RBFOX1: variants seen among roughly 807,000 people sequenced by gnomAD.
The protein encoded by RBFOX1 is RNA binding protein fox-1 homolog 1.
In RBFOX1, 8 loss-of-function variants were observed where a neutral mutation model predicts 57.7. The ratio of observed to expected loss-of-function variants is 0.14; its 90% CI spans 0.08 to 0.25. The LOEUF (loss-of-function observed/expected upper bound fraction) is 0.25, where lower values mean the gene tolerates loss of function less well. RBFOX1 is among the 10% of genes least tolerant of loss of function. The pLI is 1.00. For missense variants in RBFOX1, 611 were observed against 548.5 expected, an observed-to-expected ratio of 1.11 and a Z score of -1.14; for synonymous variants, 326 against 222.4, an observed-to-expected ratio of 1.47 and a Z score of -4.15.
At chr16:7,333,638 A>G (rs1410939104) in intron 4 of RBFOX1, among the ~76,000 whole-genome samples, 1 of 152,194 alleles carries the variant, frequency 6.6e-6, no homozygotes, top group Non-Finnish European at 1.5e-5. Context: ...TTATTCTAGG[A>G]ATCCCTTGCC....
At chr16:7,274,773 C>T (rs998422526) in intron 4 of RBFOX1, among the ~76,000 whole-genome samples, 8 of 152,010 alleles carry the variant, frequency 5.3e-5, no homozygotes, top group East Asian at 1.9e-4. Flanking sequence ...CAATCTCTGC[C>T]TTCCAGGTTC....
intron 2 of RBFOX1, among the ~76,000 whole-genome samples, chr16:6,347,676 C>A (rs1371980829): frequency 1.3e-5 from 2 of 152,128 alleles, no homozygotes; most frequent in Admixed American, 6.5e-5. Flanking sequence ...TGTATATCAA[C>A]AATTATTATA....
intron 3 of RBFOX1, chr16:6,773,860 G>A (rs1426561152): frequency 2.4e-5 from 16 of 655,578 alleles, no homozygotes; most frequent in Non-Finnish European, 3.0e-5. Context: ...TATATGTGTG[G>A]ATGTAGGGTG....
intron 1 of RBFOX1, among the ~76,000 whole-genome samples, chr16:5,304,154 C>G (rs1268394898): frequency 1.3e-5 from 2 of 152,288 alleles, no homozygotes; most frequent in African/African-American, 4.8e-5. Flanking sequence ...CTTAGGCTAC[C>G]AAGGAAGGCT....
intron 1 of RBFOX1, among the ~76,000 whole-genome samples, chr16:5,341,527 C>A (rs1051692124): frequency 6.6e-6 from 1 of 152,090 alleles, no homozygotes; most frequent in Non-Finnish European, 1.5e-5. Flanking sequence ...GGGAAAAGAA[C>A]TGAGATATTC....
chr16:7,206,254 G>T (rs2089944152), intron 4 of RBFOX1, among the ~76,000 whole-genome samples: 1 of 152,074 alleles, frequency 6.6e-6, no homozygotes, highest in East Asian at 1.9e-4. Flanking sequence ...TTAGTCTTTT[G>T]TGTTTGTATG....
rs755526596 is a variant in RBFOX1, at chr16:6,882,375, A to G, written c.-15-169682A>G. Among the ~76,000 whole-genome samples the G allele has an allele frequency of 3.6e-4, 55 of 151,806 alleles. 1 individual carries two copies. Among genetic ancestry groups the G allele is most frequent in the Non-Finnish European group, 6.0e-4 (41 of 67,938 alleles). ...AGTATAATTACAGTTTAGTCACCTA[A>G]CCTCTCTGATTCTCTCTCTTCCCAG... On this transcript the variant is annotated intron_variant, in intron 3 of 15. Transcript: ENST00000550418.
At chr16:6,680,302 G>A (rs1206636800) in intron 3 of RBFOX1, among the ~76,000 whole-genome samples, 6 of 62,484 alleles carry the variant, frequency 9.6e-5, no homozygotes, top group South Asian at 4.5e-4. Flanking sequence ...TTTATTTGTC[G>A]CCCAGGCTGG....
intron 4 of RBFOX1, among the ~76,000 whole-genome samples, chr16:7,082,202 C>G (rs114896728): frequency 6.6e-6 from 1 of 152,070 alleles, no homozygotes; most frequent in African/African-American, 2.4e-5. Context: ...CATTGAAGAC[C>G]TATGGTTCAG....
chr16:7,631,039 C>G (rs2060866667), intron 11 of RBFOX1, among the ~76,000 whole-genome samples: 1 of 152,122 alleles, frequency 6.6e-6, no homozygotes, highest in Non-Finnish European at 1.5e-5. Flanking sequence ...CCAAAGGCAC[C>G]CTTGCCTAGT....
chr16:6,316,923 A>C, intron 1 of RBFOX1, 72 bp from the exon 2 acceptor site: 1 of 1,336,442 alleles, frequency 7.5e-7, no homozygotes, highest in South Asian at 1.3e-5. Flanking sequence ...TATTACTATG[A>C]CAAAAAAAGT....
intron 1 of RBFOX1, among the ~76,000 whole-genome samples, chr16:5,246,453 T>C (rs1320239374): frequency 1.3e-5 from 2 of 152,144 alleles, no homozygotes; most frequent in East Asian, 1.9e-4. Flanking sequence ...ACTTATTTTT[T>C]TGTGGTGAGA....
chr16:6,762,383 A>C (rs999749686), intron 3 of RBFOX1, among the ~76,000 whole-genome samples: 1 of 152,146 alleles, frequency 6.6e-6, no homozygotes, highest in Non-Finnish European at 1.5e-5. Flanking sequence ...GTGCACTTAG[A>C]AGGTAAATAT....
intron 3 of RBFOX1, among the ~76,000 whole-genome samples, chr16:7,007,654 G>T (rs1299681375): frequency 6.6e-6 from 1 of 152,076 alleles, no homozygotes; most frequent in Admixed American, 6.6e-5. Context: ...ACTCTTTCTT[G>T]TTTGGAAGCT....
chr16:5,312,178 A>G (rs1290354880), intron 1 of RBFOX1, among the ~76,000 whole-genome samples: 1 of 152,218 alleles, frequency 6.6e-6, no homozygotes, highest in African/African-American at 2.4e-5. Flanking sequence ...CTGGTCATAT[A>G]TAGGCCATTG....
At chr16:6,966,781 ATCTATCTATCTG>A (rs368923047) in intron 3 of RBFOX1, among the ~76,000 whole-genome samples, 17,989 of 59,078 alleles carry the variant, frequency 0.3, 1,160 homozygotes, top group South Asian at 0.42. Flanking sequence ...CTATCTATCT[ATCTATCTATCTG>A]TCTGTCTGTC....
At chr16:6,923,572 A>G (rs2074953805) in intron 3 of RBFOX1, among the ~76,000 whole-genome samples, 1 of 152,048 alleles carries the variant, frequency 6.6e-6, no homozygotes, top group South Asian at 2.1e-4. Flanking sequence ...TCTGTTAATC[A>G]TGGCTGACCA....
chr16:5,359,065 T>G (rs2065472236), intron 1 of RBFOX1, among the ~76,000 whole-genome samples: 1 of 151,122 alleles, frequency 6.6e-6, no homozygotes, highest in Non-Finnish European at 1.5e-5. Context: ...ACATGTGATG[T>G]TTTTGTTTCT....
At chr16:6,583,036 C>G (rs2097559347) in intron 2 of RBFOX1, among the ~76,000 whole-genome samples, 1 of 151,416 alleles carries the variant, frequency 6.6e-6, no homozygotes, top group Non-Finnish European at 1.5e-5. Flanking sequence ...CGATGTCTCT[C>G]TCTCTCTCAC....
Sources: allele counts gnomAD v4.1 joint callset (sites outside exome capture counted in the v4.1 genomes callset), GRCh38; gene constraint gnomAD v4.1.1; transcripts MANE v1.5; gene names NCBI Gene and HGNC (gene_info 2026-07-23, HGNC 2026-07-21).